Variants in SEMA6D observed in about 807,000 individuals in gnomAD.
SEMA6D encodes semaphorin 6D, also known as semaphorin-6D.
In SEMA6D, 35 loss-of-function variants were observed where a neutral mutation model predicts 106.6. The ratio of observed to expected loss-of-function variants is 0.33; its 90% CI spans 0.25 to 0.44. The LOEUF (loss-of-function observed/expected upper bound fraction) is 0.44, where lower values mean the gene tolerates loss of function less well. SEMA6D is among the 20% of genes least tolerant of loss of function. SEMA6D has a pLI of 1.00. For missense variants in SEMA6D, 1,185 were observed against 1,345.9 expected, an observed-to-expected ratio of 0.88 and a Z score of 1.87; for synonymous variants, 499 against 487.7, an observed-to-expected ratio of 1.02 and a Z score of -0.31.
intron 1 of SEMA6D, among the ~76,000 whole-genome samples, chr15:47,321,318 A>C (rs995640834): frequency 2.6e-5 from 4 of 152,146 alleles, no homozygotes; most frequent in African/African-American, 9.6e-5. Context: ...CCAGAAAGGA[A>C]CACAGTGACT....
intron 1 of SEMA6D, among the ~76,000 whole-genome samples, chr15:47,350,635 G>A (rs1019010327): frequency 6.6e-6 from 1 of 152,038 alleles, no homozygotes; most frequent in Admixed American, 6.6e-5. Context: ...GCAAAAGCTT[G>A]TTCTCATCTT....
At chr15:47,609,792 A>G (rs1013214240) in intron 4 of SEMA6D, among the ~76,000 whole-genome samples, 2 of 152,118 alleles carry the variant, frequency 1.3e-5, no homozygotes, top group African/African-American at 2.4e-5. Flanking sequence ...GTGATACCGC[A>G]TGTGTACTCA....
At chr15:47,336,166 A>T (rs2144294781) in intron 1 of SEMA6D, among the ~76,000 whole-genome samples, 1 of 152,264 alleles carries the variant, frequency 6.6e-6, no homozygotes, top group East Asian at 1.9e-4. Context: ...TGTGATTATG[A>T]AGTTGGTATA....
At chr15:47,271,577 CAAAGAAGGGTCTGAG>C (rs2034565656) in intron 1 of SEMA6D, among the ~76,000 whole-genome samples, 1 of 152,036 alleles carries the variant, frequency 6.6e-6, no homozygotes, top group Non-Finnish European at 1.5e-5. Flanking sequence ...CTGAGTGTGG[CAAAGAAGGGTCTGAG>C]AAATAGTCTC....
chr15:47,754,798 C>T (rs1412114339), intron 1 of SEMA6D, among the ~76,000 whole-genome samples: 2 of 151,840 alleles, frequency 1.3e-5, no homozygotes, highest in African/African-American at 2.4e-5. Flanking sequence ...ACTCTCTTGT[C>T]TGTTTCTTTC....
intron 3 of SEMA6D, among the ~76,000 whole-genome samples, chr15:47,541,409 G>T (rs2045350354): frequency 6.6e-6 from 1 of 152,106 alleles, no homozygotes; most frequent in Non-Finnish European, 1.5e-5. Context: ...AAACTTTCAT[G>T]CCCAGAATCA....
chr15:47,532,363 C>G (rs1156940150), intron 3 of SEMA6D, among the ~76,000 whole-genome samples: 3 of 152,182 alleles, frequency 2.0e-5, no homozygotes, highest in Non-Finnish European at 4.4e-5. Context: ...ATCTGACTTT[C>G]CTGGAACCTC....
At chr15:47,219,017 A>G (rs2030940468) in intron 1 of SEMA6D, among the ~76,000 whole-genome samples, 1 of 152,178 alleles carries the variant, frequency 6.6e-6, no homozygotes, top group African/African-American at 2.4e-5. Flanking sequence ...GCTGTTCTTT[A>G]TATTTTTCTG....
At chr15:47,650,483 C>CA (rs1296514681) in intron 4 of SEMA6D, among the ~76,000 whole-genome samples, 1 of 152,072 alleles carries the variant, frequency 6.6e-6, no homozygotes, top group Non-Finnish European at 1.5e-5. Flanking sequence ...ATGTATATAG[C>CA]AAAAAAATTC....
At chr15:47,770,443 T>C (rs563979276) in intron 18 of SEMA6D, 54 bp from the exon 19 acceptor site, 4 of 1,437,664 alleles carry the variant, frequency 2.8e-6, no homozygotes, top group Non-Finnish European at 2.8e-6. Flanking sequence ...ATTTGCTATT[T>C]ATTATTATTT....
chr15:47,227,562 C>T (rs1327200514), intron 1 of SEMA6D, among the ~76,000 whole-genome samples: 1 of 83,676 alleles, frequency 1.2e-5, no homozygotes, highest in Non-Finnish European at 2.7e-5. Context: ...CTGTCTCTCT[C>T]TCTCTCTCAC....
rs906169243 is a variant in SEMA6D, at chr15:47,283,482, T to C, written c.-239+99064T>C. On this transcript the variant is annotated intron_variant, in intron 1 of 19. Transcript: ENST00000558014. ...CTTACATCTGTCTCCTCTCACTCAA[T>C]TCCTGCCACTTTTCTTTCCAAACTC... 4.6e-5 allele frequency among the ~76,000 whole-genome samples: 7 copies of C among 152,272 alleles called. No homozygotes were observed. In the South Asian group the frequency reaches 1.2e-3, roughly 27 times the overall value.
intron 7 of SEMA6D, 102 bp downstream of exon 7, chr15:47,761,853 G>C (rs776220262): frequency 4.6e-5 from 46 of 997,058 alleles, no homozygotes; most frequent in Non-Finnish European, 2.4e-5. Flanking sequence ...TACCCACCTT[G>C]ATCTAAGTGT....
At chr15:47,368,738 A>G (rs1437219155) in intron 1 of SEMA6D, among the ~76,000 whole-genome samples, 2 of 152,224 alleles carry the variant, frequency 1.3e-5, no homozygotes, top group Non-Finnish European at 2.9e-5. Flanking sequence ...TTACAAATAC[A>G]TAACTGAAAG....
chr15:47,608,901 A>G (rs2143779376), intron 4 of SEMA6D, among the ~76,000 whole-genome samples: 1 of 102,528 alleles, frequency 9.8e-6, no homozygotes, highest in East Asian at 3.0e-4. Context: ...ATACAAAAAT[A>G]AGCATTAATA....
At chr15:47,596,936 A>G (rs1331682761) in intron 3 of SEMA6D, among the ~76,000 whole-genome samples, 6 of 152,130 alleles carry the variant, frequency 3.9e-5, no homozygotes, top group Non-Finnish European at 7.4e-5. Flanking sequence ...AACAAAAGGC[A>G]TTACATCAGA....
intron 2 of SEMA6D, among the ~76,000 whole-genome samples, chr15:47,436,710 C>T (rs1021593078): frequency 1.7e-4 from 26 of 149,086 alleles, no homozygotes; most frequent in Admixed American, 1.5e-3. Flanking sequence ...GCCAAAGGAT[C>T]CCTTGAGGCC....
chr15:47,724,065 C>T (rs2079583741), intron 1 of SEMA6D, among the ~76,000 whole-genome samples: 1 of 152,246 alleles, frequency 6.6e-6, no homozygotes, highest in Non-Finnish European at 1.5e-5. Context: ...CTACGCCTCA[C>T]TTGTTAGTAT....
intron 4 of SEMA6D, among the ~76,000 whole-genome samples, chr15:47,704,066 T>G (rs1214854905): frequency 6.6e-6 from 1 of 152,164 alleles, no homozygotes; most frequent in Non-Finnish European, 1.5e-5. Context: ...TCATTTTGCT[T>G]TTGTTTTTCA....
Sources: allele counts gnomAD v4.1 joint callset (sites outside exome capture counted in the v4.1 genomes callset), GRCh38; gene constraint gnomAD v4.1.1; transcripts MANE v1.5; gene names NCBI Gene and HGNC (gene_info 2026-07-23, HGNC 2026-07-21).